The following DPYSL2 variants were observed in gnomAD, a reference collection of about 807,000 sequenced individuals.
The protein encoded by DPYSL2 is dihydropyrimidinase like 2.
A neutral mutation model predicts 69.9 loss-of-function variants in DPYSL2; 13 were observed. The observed-to-expected ratio is 0.19, with a 90% CI of 0.12 to 0.30. The LOEUF is 0.30. DPYSL2 is among the 10% of genes least tolerant of loss of function. The pLI is 1.00. For synonymous variants in DPYSL2, 326 were observed against 359.1 expected (o/e 0.91, Z 1.04); for missense variants, 587 against 918.9 (o/e 0.64, Z 4.67).
Position 26,643,369 on chromosome 8 carries a change from G to T in DPYSL2, c.1127-70G>T. The T allele has an allele frequency of 6.7e-7, 1 of 1,496,302 alleles. No individual in the cohort carries two copies. Among genetic ancestry groups the T allele is most frequent in the Non-Finnish European group, 8.9e-7 (1 of 1,118,734 alleles). The allele number at this position is 1,496,302 out of a possible 1,614,324, so 92.7% of individuals were successfully genotyped here. On this transcript the variant is annotated intron_variant, in intron 8 of 13. Coordinates refer to ENST00000521913, the MANE Select transcript of DPYSL2 (RefSeq NM_001197293.3). This position sits in a 1 kb window ranked among gnomAD's most constrained non-coding sequence, Gnocchi z 6.5. ...ACTGGGTGCTGCTGGGCAGGCAGTG[G>T]CTCCTCATAGGGGTGGTTCCCTTCC...
rs570050856 is a variant in DPYSL2 at position 26,570,486 on chromosome 8, ATC to A, written c.355-11482_355-11481del. Among the ~76,000 whole-genome samples, 4 of 152,278 alleles carry A rather than the reference ATC, an allele frequency of 2.6e-5. No homozygotes were observed. The South Asian group carries it at 8.3e-4, about 32-fold the overall frequency. The stretch of plus-strand genomic sequence containing the variant: ...CCAGGCGCGGGGGCTCATGCCTGTA[ATC>A]CCAACACTGGGAGGCTGAGGTGGGC... On this transcript the variant is annotated intron_variant, in intron 1 of 13. Transcript: ENST00000521913.
In DPYSL2 at chr8:26,624,664, C is replaced by G. The variant is rs202037067; in HGVS notation, c.793+357C>G. On this transcript the variant is annotated intron_variant, in intron 4 of 13. Coordinates refer to ENST00000521913, the MANE Select transcript of DPYSL2 (RefSeq NM_001197293.3). The surrounding 1 kb of genome is among the most constrained non-coding windows in gnomAD (Gnocchi z 4.7). ...ATTTACCCTCAAAAGATAACAAATA[C>G]ATATCTCAGTGAGGATTTGACAGTC... 6.6e-6 allele frequency among the ~76,000 whole-genome samples: 1 copy of G among 152,176 alleles called. No homozygotes were observed. The highest frequency in any genetic ancestry group is 2.1e-4 in the South Asian group (1 of 4,828).
rs570485233 is a variant in DPYSL2 at position 26,640,972 on chromosome 8, T to C, written c.1127-2467T>C. 6.6e-6 allele frequency among the ~76,000 whole-genome samples: 1 copy of C among 152,286 alleles called. No individual in the cohort carries two copies. The highest frequency in any genetic ancestry group is 1.9e-4 in the East Asian group (1 of 5,170). On this transcript the variant is annotated intron_variant, in intron 8 of 13. Transcript: ENST00000521913. This position sits in a 1 kb window ranked among gnomAD's most constrained non-coding sequence, Gnocchi z 4.2. ...TCTTGAAGTGAGGTAGATATTCCTG[T>C]GCACAGAGAGAAGGGGAATCCAGCT...
At chr8:26,645,122 C>T (rs1226928786) in intron 10 of DPYSL2, among the ~76,000 whole-genome samples, 2 of 151,976 alleles carry the variant, frequency 1.3e-5, no homozygotes, top group Non-Finnish European at 2.9e-5. Context: ...ACAGCTGGGC[C>T]CACTCCCAGG....
Position 26,614,371 on chromosome 8 carries a change from G to C in DPYSL2, c.629-9772G>C, listed in dbSNP as rs1212710412. ...GAAGGTGGGGCGTCAGCAACATTCA[G>C]CTCCCTCCATAGCTCGATGAGAAGA... On this transcript the variant is annotated intron_variant, in intron 3 of 13. Transcript: ENST00000521913. This position sits in a 1 kb window ranked among gnomAD's most constrained non-coding sequence, Gnocchi z 4.9. 6.6e-6 allele frequency among the ~76,000 whole-genome samples: 1 copy of C among 152,140 alleles called. No individual in the cohort carries two copies. The highest frequency in any genetic ancestry group is 1.9e-4 in the East Asian group (1 of 5,174).
At position 26,569,364 on chromosome 8, in the gene DPYSL2, ACAAAAAC is replaced by A. The variant is rs1563390223; in HGVS notation, c.355-12604_355-12598del. Among the ~76,000 whole-genome samples the A allele has an allele frequency of 9.7e-5, 11 of 113,224 alleles. 1 individual carries two copies. The highest frequency in any genetic ancestry group is 3.0e-4 in the Admixed American group (3 of 9,888). 74.3% of individuals were successfully genotyped at this position (113,224 alleles called of 152,430 possible). A position where few individuals can be genotyped will look rare whatever the true frequency, so the allele number is the denominator to read the frequency against. ...GCAAGACCCTATCTCCAAAAAAAAAACAAAAACAAAAACAAAAAAAAACCAAAGAAAA... is the reference window on the plus strand; with the variant it reads ...GCAAGACCCTATCTCCAAAAAAAAAAAAAAACAAAAAAAAACCAAAGAAAA... On this transcript the variant is annotated intron_variant, in intron 1 of 13. Coordinates refer to ENST00000521913, the MANE Select transcript of DPYSL2 (RefSeq NM_001197293.3).
At chr8:26,578,417 T>A in intron 1 of DPYSL2, 1 of 1,556,780 alleles carries the variant, frequency 6.4e-7, no homozygotes, top group Non-Finnish European at 8.6e-7. Context: ...TTTCTGTTGC[T>A]AACGGAGGCG....
rs956418927 is a variant in DPYSL2, at chr8:26,582,128, G to T, written c.443+71G>T. 7 of 1,240,426 alleles carry T rather than the reference G, an allele frequency of 5.6e-6. No homozygotes were observed. In the Admixed American group the frequency reaches 1.1e-4, roughly 19 times the overall value. The allele number at this position is 1,240,426 out of a possible 1,614,324, so 76.8% of individuals were successfully genotyped here. The stretch of plus-strand genomic sequence containing the variant: ...ACTTCCCAAGTATTAGATACCATTC[G>T]CATCCAAAGTATCAAACTTCAGGAA... On this transcript the variant is annotated intron_variant, in intron 2 of 13. Transcript: ENST00000521913. This position sits in a 1 kb window ranked among gnomAD's most constrained non-coding sequence, Gnocchi z 4.1.
chr8:26,555,072 TA>T (rs896588844), intron 1 of DPYSL2, among the ~76,000 whole-genome samples: 10 of 34,106 alleles, frequency 2.9e-4, no homozygotes, highest in African/African-American at 6.2e-4. Context: ...CAACATCTAT[TA>T]GTGATAGATA....
intron 1 of DPYSL2, among the ~76,000 whole-genome samples, chr8:26,538,174 G>A (rs530956059): frequency 1.3e-5 from 2 of 152,290 alleles, no homozygotes; most frequent in South Asian, 2.1e-4. Flanking sequence ...TCACTGTAAT[G>A]TCAATTAAGA....
intron 13 of DPYSL2, among the ~76,000 whole-genome samples, chr8:26,655,355 G>C (rs1803361009): frequency 6.6e-6 from 1 of 152,092 alleles, no homozygotes; most frequent in Admixed American, 6.6e-5. Flanking sequence ...AATTAGCTAG[G>C]TATGGGGGCC....
Position 26,564,898 on chromosome 8 carries a change from G to T in DPYSL2, c.355-17071G>T, listed in dbSNP as rs1309515298. 6.6e-6 allele frequency among the ~76,000 whole-genome samples: 1 copy of T among 151,436 alleles called. No homozygotes were observed. The highest frequency in any genetic ancestry group is 1.5e-5 in the Non-Finnish European group (1 of 67,816). Reference sequence around the variant, plus strand: ...GAGTGTACATTGTACCTAATGTGTAGTTTTTTTTTATGCCTAGCCCCATTC... The same window carrying T: ...GAGTGTACATTGTACCTAATGTGTATTTTTTTTTTATGCCTAGCCCCATTC... On this transcript the variant is annotated intron_variant, in intron 1 of 13. Coordinates refer to ENST00000521913, the MANE Select transcript of DPYSL2 (RefSeq NM_001197293.3). This position sits in a 1 kb window ranked among gnomAD's most constrained non-coding sequence, Gnocchi z 4.8.
At chr8:26,611,302 G>A (rs1478579685) in intron 3 of DPYSL2, among the ~76,000 whole-genome samples, 2 of 152,312 alleles carry the variant, frequency 1.3e-5, no homozygotes, top group Admixed American at 1.3e-4. Flanking sequence ...TGGCTCTCTA[G>A]CATTTCTTTC....
At chr8:26,535,586 A>G (rs1221130815) in intron 1 of DPYSL2, among the ~76,000 whole-genome samples, 1 of 151,378 alleles carries the variant, frequency 6.6e-6, no homozygotes. Flanking sequence ...AAAGCATGCT[A>G]TGTTTGGGCC....
In DPYSL2 at chr8:26,647,914, C is replaced by G; in HGVS notation, c.1596+114C>G. 2.4e-6 allele frequency: 3 copies of G among 1,257,608 alleles called. No individual in the cohort carries two copies. In the South Asian group the frequency reaches 4.7e-5, roughly 20 times the overall value. The allele number at this position is 1,257,608 out of a possible 1,614,324, so 77.9% of individuals were successfully genotyped here. The stretch of plus-strand genomic sequence containing the variant: ...GAACTTGCTGTGATGGGAATGCGCT[C>G]GACTGAGGATGTTATGATTTGCAAT... On this transcript the variant is annotated intron_variant, in intron 11 of 13. Coordinates refer to ENST00000521913, the MANE Select transcript of DPYSL2 (RefSeq NM_001197293.3). This position sits in a 1 kb window ranked among gnomAD's most constrained non-coding sequence, Gnocchi z 5.1.
chr8:26,537,611 T>TACACACACACACAGAC (rs1800614017), intron 1 of DPYSL2, among the ~76,000 whole-genome samples: 1 of 147,546 alleles, frequency 6.8e-6, no homozygotes, highest in South Asian at 2.2e-4. Flanking sequence ...ATTCTCTCTC[T>TACACACACACACAGAC]ACACACACAC....
chr8:26,629,893 G>A (rs563651207), intron 7 of DPYSL2, among the ~76,000 whole-genome samples: 17 of 152,246 alleles, frequency 1.1e-4, no homozygotes, highest in African/African-American at 3.9e-4. Flanking sequence ...CACCGCGCCC[G>A]GCCGAGGCTG....
At chr8:26,557,947 G>A (rs932835562) in intron 1 of DPYSL2, among the ~76,000 whole-genome samples, 4 of 151,764 alleles carry the variant, frequency 2.6e-5, no homozygotes, top group African/African-American at 2.4e-5. Flanking sequence ...AACACCAAAT[G>A]CTTGTGAGGA....
At chr8:26,554,232 G>T (rs1800910243) in intron 1 of DPYSL2, among the ~76,000 whole-genome samples, 1 of 151,966 alleles carries the variant, frequency 6.6e-6, no homozygotes, top group African/African-American at 2.4e-5. Context: ...GATGTGAGAT[G>T]GTATCTCATT....
Sources: allele counts gnomAD v4.1 joint callset (sites outside exome capture counted in the v4.1 genomes callset), GRCh38; gene constraint gnomAD v4.1.1; non-coding constraint Gnocchi (gnomAD v3.1); transcripts MANE v1.5; gene names NCBI Gene and HGNC (gene_info 2026-07-23, HGNC 2026-07-21).